The following ACOT13 variants were observed in gnomAD, a reference collection of about 807,000 sequenced individuals.
The protein encoded by ACOT13 is acyl-coenzyme A thioesterase 13.
Under a neutral mutation model 11.8 loss-of-function variants are expected in ACOT13, and 10 were observed. The ratio of observed to expected loss-of-function variants is 0.85; its 90% CI spans 0.53 to 1.44. The LOEUF (loss-of-function observed/expected upper bound fraction) is 1.44, where lower values mean the gene tolerates loss of function less well. Ranked by LOEUF, ACOT13 falls within the 40% of genes most tolerant of loss-of-function variation. ACOT13 has a pLI of 0.00. For synonymous variants in ACOT13, 53 were observed against 61.0 expected (o/e 0.87, Z 0.61); for missense variants, 172 against 174.1 (o/e 0.99, Z 0.07).
Position 24,703,824 on chromosome 6 carries a change from A to T in ACOT13, c.*2209A>T, listed in dbSNP as rs1179332736. 6.6e-6 allele frequency: 1 copy of T among 152,242 alleles called. No individual in the cohort carries two copies. The highest frequency in any genetic ancestry group is 1.5e-5 in the Non-Finnish European group (1 of 68,046). The allele number at this position is 152,242 out of a possible 1,614,324, so 9.4% of individuals were successfully genotyped here. ...TGACCAGGCGCTCAAAAGTAACATC[A>T]ATGAAGAGCAGATGGAGAGTATACT... On this transcript the variant is annotated 3_prime_UTR_variant, in exon 3 of 3. Coordinates refer to ENST00000230048, the MANE Select transcript of ACOT13 (RefSeq NM_018473.4).
intron 1 of ACOT13, among the ~76,000 whole-genome samples, chr6:24,682,130 G>GT (rs1335868008): frequency 1.3e-5 from 2 of 152,350 alleles, no homozygotes; most frequent in South Asian, 4.1e-4. Flanking sequence ...CGCAGATAGC[G>GT]TAACACCTGA....
intron 1 of ACOT13, among the ~76,000 whole-genome samples, chr6:24,692,238 C>T (rs1778728133): frequency 6.6e-6 from 1 of 152,062 alleles, no homozygotes; most frequent in Non-Finnish European, 1.5e-5. Flanking sequence ...GAAAAGTTCA[C>T]GACGTCACCA....
chr6:24,672,366 C>T (rs772497008), intron 1 of ACOT13, among the ~76,000 whole-genome samples: 8 of 152,154 alleles, frequency 5.3e-5, no homozygotes, highest in East Asian at 3.9e-4. Flanking sequence ...TCTAACTGGG[C>T]GTGGTGGCTC....
chr6:24,678,245 T>C (rs1021498941), intron 1 of ACOT13, among the ~76,000 whole-genome samples: 1 of 152,182 alleles, frequency 6.6e-6, no homozygotes, highest in Admixed American at 6.5e-5. Context: ...AAAGGCATCC[T>C]TAAGGTCCAG....
chr6:24,697,832 C>T (rs1385665326), intron 1 of ACOT13, 51 bp from the exon 2 acceptor site: 2 of 1,449,986 alleles, frequency 1.4e-6, no homozygotes, highest in Admixed American at 2.5e-5. Context: ...GCTTTTTTGG[C>T]TTTTCTAATT....
At chr6:24,687,507 G>C in intron 1 of ACOT13, 1 of 1,373,006 alleles carries the variant, frequency 7.3e-7, no homozygotes, top group Non-Finnish European at 9.5e-7. Flanking sequence ...TAAGGAAGTG[G>C]AATTCCAAAG....
chr6:24,699,492 G>A (rs1300835419), intron 2 of ACOT13, among the ~76,000 whole-genome samples: 2 of 152,208 alleles, frequency 1.3e-5, no homozygotes, highest in Non-Finnish European at 1.5e-5. Context: ...TTACAGGCGT[G>A]AGCCACCGCG....
At chr6:24,695,476 T>C (rs1362487512) in intron 1 of ACOT13, among the ~76,000 whole-genome samples, 1 of 152,250 alleles carries the variant, frequency 6.6e-6, no homozygotes, top group South Asian at 2.1e-4. Flanking sequence ...CCTTTCCTAA[T>C]GTCTTTTCCC....
chr6:24,685,253 T>C (rs1778610693), intron 1 of ACOT13, among the ~76,000 whole-genome samples: 2 of 151,896 alleles, frequency 1.3e-5, no homozygotes, highest in Admixed American at 6.6e-5. Context: ...ATAGGCAGAG[T>C]TGCTAGGGAT....
chr6:24,669,554 T>C (rs1033192055), intron 1 of ACOT13, among the ~76,000 whole-genome samples: 1 of 152,164 alleles, frequency 6.6e-6, no homozygotes, highest in African/African-American at 2.4e-5. Flanking sequence ...CCTTTTCTTT[T>C]TTTTAAAAAA....
chr6:24,694,137 C>G (rs1329311057), intron 1 of ACOT13, among the ~76,000 whole-genome samples: 1 of 152,112 alleles, frequency 6.6e-6, no homozygotes, highest in South Asian at 2.1e-4. Context: ...TACTGAGGAG[C>G]CCATTGTGGC....
rs902317265 is a variant in ACOT13, at chr6:24,701,969, G to A, written c.*354G>A. On this transcript the variant is annotated 3_prime_UTR_variant, in exon 3 of 3. Coordinates refer to ENST00000230048, the MANE Select transcript of ACOT13 (RefSeq NM_018473.4). ...TAATGGTTCTAATTCTGTTTGGGCT[G>A]CTAGGAACAACAGAAATTTTTCATG... The A allele has an allele frequency of 6.2e-6, 1 of 162,466 alleles. No individual in the cohort carries two copies. The highest frequency in any genetic ancestry group is 1.3e-5 in the Non-Finnish European group (1 of 74,852). 10.1% of individuals were successfully genotyped at this position (162,466 alleles called of 1,614,324 possible). A position where few individuals can be genotyped will look rare whatever the true frequency, so the allele number is the denominator to read the frequency against.
At chr6:24,686,328 T>C (rs1051846064) in intron 1 of ACOT13, among the ~76,000 whole-genome samples, 3 of 152,196 alleles carry the variant, frequency 2.0e-5, no homozygotes, top group African/African-American at 7.2e-5. Flanking sequence ...TTAATACCTG[T>C]GTTAGTCCAT....
chr6:24,701,265 T>G, intron 2 of ACOT13, 194 bp from the exon 3 acceptor site: 3 of 383,374 alleles, frequency 7.8e-6, no homozygotes, highest in Non-Finnish European at 1.4e-5. Context: ...GAAACTTGTG[T>G]GGGTAAGGAA....
At chr6:24,696,814 C>T (rs754835992) in intron 1 of ACOT13, among the ~76,000 whole-genome samples, 53 of 151,848 alleles carry the variant, frequency 3.5e-4, no homozygotes, top group Non-Finnish European at 6.8e-4. Flanking sequence ...CTCCCTCTGT[C>T]ATCCAGGCTG....
At chr6:24,674,168 T>G (rs1443464211) in intron 1 of ACOT13, among the ~76,000 whole-genome samples, 1 of 152,076 alleles carries the variant, frequency 6.6e-6, no homozygotes, top group Non-Finnish European at 1.5e-5. Flanking sequence ...TTCAAGTGAT[T>G]CTCCTGCCTC....
In ACOT13 at chr6:24,667,116, T is replaced by A; in HGVS notation, c.-148T>A. On this transcript the variant is annotated 5_prime_UTR_variant, in exon 1 of 3. Transcript: ENST00000230048. ...GGACCACCGGGGCTGCCAGCTCGCC[T>A]GACTCCCGGCCTCTTGCGCTCCTAG... 3 of 904,526 alleles carry A rather than the reference T, an allele frequency of 3.3e-6. No individual in the cohort carries two copies. The highest frequency in any genetic ancestry group is 3.3e-6 in the Non-Finnish European group (2 of 602,752). 56.0% of individuals were successfully genotyped at this position (904,526 alleles called of 1,614,324 possible).
intron 1 of ACOT13, among the ~76,000 whole-genome samples, chr6:24,683,442 C>A (rs1270887350): frequency 1.3e-5 from 2 of 151,972 alleles, no homozygotes; most frequent in African/African-American, 4.8e-5. Flanking sequence ...GAGGCTGAAA[C>A]ATGAAAATCG....
At chr6:24,694,650 A>G (rs1201582631) in intron 1 of ACOT13, among the ~76,000 whole-genome samples, 1 of 152,084 alleles carries the variant, frequency 6.6e-6, no homozygotes, top group East Asian at 1.9e-4. Flanking sequence ...TTAGCTTTGC[A>G]TTGGCCTCTT....
Sources: allele counts gnomAD v4.1 joint callset (sites outside exome capture counted in the v4.1 genomes callset), GRCh38; gene constraint gnomAD v4.1.1; transcripts MANE v1.5; gene names NCBI Gene and HGNC (gene_info 2026-07-23, HGNC 2026-07-21).